The following ARL15 variants were observed in gnomAD, a reference collection of about 807,000 sequenced individuals.
ARL15 encodes the protein ARF like GTPase 15.
In ARL15, 19 loss-of-function variants were observed where a neutral mutation model predicts 25.2. The ratio of observed to expected loss-of-function variants is 0.75; its 90% CI spans 0.53 to 1.10. ARL15 has a LOEUF of 1.10. ARL15 is among the 50% of genes least tolerant of loss of function. The pLI, the probability that ARL15 is intolerant of heterozygous loss-of-function variation, is 0.00. For synonymous variants in ARL15, 94 were observed against 86.8 expected (o/e 1.08, Z -0.46); for missense variants, 220 against 246.0 (o/e 0.89, Z 0.71).
intron 1 of ARL15, among the ~76,000 whole-genome samples, chr5:54,257,601 T>A (rs577886824): frequency 4.0e-4 from 61 of 152,366 alleles, no homozygotes; most frequent in Admixed American, 1.0e-3. Context: ...AATTTCAACA[T>A]AAATAAGCAG....
intron 4 of ARL15, among the ~76,000 whole-genome samples, chr5:53,902,200 G>A (rs1434713966): frequency 6.6e-6 from 1 of 152,022 alleles, no homozygotes; most frequent in African/African-American, 2.4e-5. Context: ...TCTGTTATAC[G>A]AGGCTGTGTG....
chr5:54,009,317 C>T (rs1374233503), intron 4 of ARL15, among the ~76,000 whole-genome samples: 1 of 152,178 alleles, frequency 6.6e-6, no homozygotes, highest in African/African-American at 2.4e-5. Flanking sequence ...TTTTCCTCCA[C>T]CCAACAACCT....
chr5:54,197,745 G>GA (rs1276522469), intron 1 of ARL15, among the ~76,000 whole-genome samples: 1 of 152,058 alleles, frequency 6.6e-6, no homozygotes, highest in Non-Finnish European at 1.5e-5. Flanking sequence ...CATTCCTTCT[G>GA]AAACTATTCC....
rs566836942 is a variant in ARL15, at chr5:53,987,973, T to G, written c.463-101260A>C. On this transcript the variant is annotated intron_variant, in intron 4 of 4. Transcript: ENST00000504924. Reference sequence around the variant, plus strand: ...AAAACATTAGCCGGGCATGGTGGCGTGCGCCTGTAGTCCCAGCTAATCCCG... The same window carrying G: ...AAAACATTAGCCGGGCATGGTGGCGGGCGCCTGTAGTCCCAGCTAATCCCG... Among the ~76,000 whole-genome samples, 6 of 152,024 alleles carry G rather than the reference T, an allele frequency of 3.9e-5. No individual in the cohort carries two copies. The East Asian group carries it at 9.7e-4, about 25-fold the overall frequency.
At chr5:54,306,534 G>A (rs1385488175) in intron 1 of ARL15, among the ~76,000 whole-genome samples, 1 of 151,948 alleles carries the variant, frequency 6.6e-6, no homozygotes, top group Non-Finnish European at 1.5e-5. Flanking sequence ...GAGATTACAG[G>A]CATGCGCCAC....
At chr5:54,297,101 C>T (rs1195447892) in intron 1 of ARL15, among the ~76,000 whole-genome samples, 2 of 152,224 alleles carry the variant, frequency 1.3e-5, no homozygotes, top group African/African-American at 4.8e-5. Flanking sequence ...ATTCAGATTA[C>T]TAAACTCACA....
At chr5:54,167,368 T>A (rs1754604190) in intron 2 of ARL15, among the ~76,000 whole-genome samples, 2 of 152,168 alleles carry the variant, frequency 1.3e-5, no homozygotes, top group Admixed American at 1.3e-4. Flanking sequence ...TTCACTGAGC[T>A]CCACCTCAGC....
intron 1 of ARL15, among the ~76,000 whole-genome samples, chr5:54,271,290 C>T (rs1010211363): frequency 6.6e-6 from 1 of 152,134 alleles, no homozygotes; most frequent in East Asian, 1.9e-4. Context: ...ACAGTTGTCC[C>T]TCAGTATCCA....
chr5:54,183,094 A>C lies in ARL15; in HGVS notation c.49-11166T>G, dbSNP rs1274646626. ...TAGATAAACAATCCTGTCGTCTGCA[A>C]ACAGGGACAATTTGACTTCCTCTTT... On this transcript the variant is annotated intron_variant, in intron 1 of 4. Coordinates refer to ENST00000504924, the MANE Select transcript of ARL15 (RefSeq NM_019087.3). Among the ~76,000 whole-genome samples the C allele has an allele frequency of 5.9e-4, 76 of 129,816 alleles. 5 individuals carry two copies. The South Asian group carries it at 0.018, about 31-fold the overall frequency. 85.2% of individuals were successfully genotyped at this position (129,816 alleles called of 152,430 possible). A position where few individuals can be genotyped will look rare whatever the true frequency, so the allele number is the denominator to read the frequency against.
intron 1 of ARL15, among the ~76,000 whole-genome samples, chr5:54,251,172 A>G (rs905490967): frequency 1.3e-5 from 2 of 152,226 alleles, no homozygotes; most frequent in Admixed American, 6.5e-5. Flanking sequence ...GAAGATAAGT[A>G]AACAATGATG....
At chr5:54,096,706 G>A (rs897270802) in intron 4 of ARL15, among the ~76,000 whole-genome samples, 6 of 152,100 alleles carry the variant, frequency 3.9e-5, no homozygotes, top group Admixed American at 6.5e-5. Context: ...CACCGTGCCC[G>A]GCCTAATAAT....
intron 3 of ARL15, among the ~76,000 whole-genome samples, chr5:54,126,279 G>A (rs1753249421): frequency 6.6e-6 from 1 of 152,060 alleles, no homozygotes; most frequent in African/African-American, 2.4e-5. Flanking sequence ...TCTATCATAT[G>A]TTCCCTTCTA....
At chr5:54,064,483 T>TA (rs199931983) in intron 4 of ARL15, among the ~76,000 whole-genome samples, 1,976 of 152,242 alleles carry the variant, frequency 0.013, 22 homozygotes, top group Admixed American at 0.019. Context: ...ATGGAACAAG[T>TA]AAAAGTAATT....
intron 4 of ARL15, among the ~76,000 whole-genome samples, chr5:53,987,319 G>C (rs1580144369): frequency 6.6e-6 from 1 of 152,024 alleles, no homozygotes; most frequent in East Asian, 1.9e-4. Flanking sequence ...ATCTGGCCGG[G>C]GGTGGGGTGG....
intron 2 of ARL15, among the ~76,000 whole-genome samples, chr5:54,169,440 T>C (rs1367362462): frequency 6.6e-6 from 1 of 152,222 alleles, no homozygotes; most frequent in East Asian, 1.9e-4. Context: ...CTTGAACACC[T>C]GAACTGGCAT....
rs1390707815 is a variant in ARL15 at position 53,886,525 on chromosome 5, C to T, written c.*36G>A. On this transcript the variant is annotated 3_prime_UTR_variant, in exon 5 of 5. Coordinates refer to ENST00000504924, the MANE Select transcript of ARL15 (RefSeq NM_019087.3). Reference sequence around the variant, plus strand: ...AAATGAGAAACTAACATGATAGGTTCAAGGCCTTTTGGGAGCCTGTTTTCT... The same window carrying T: ...AAATGAGAAACTAACATGATAGGTTTAAGGCCTTTTGGGAGCCTGTTTTCT... 1.3e-6 allele frequency: 2 copies of T among 1,544,408 alleles called. No individual in the cohort carries two copies. Among genetic ancestry groups the T allele is most frequent in the Non-Finnish European group, 1.7e-6 (2 of 1,145,298 alleles).
intron 4 of ARL15, among the ~76,000 whole-genome samples, chr5:53,997,591 T>C (rs1748722723): frequency 6.6e-6 from 1 of 152,140 alleles, no homozygotes; most frequent in Non-Finnish European, 1.5e-5. Flanking sequence ...TGGAGGTCAT[T>C]TGATTAACTG....
intron 4 of ARL15, among the ~76,000 whole-genome samples, chr5:54,101,289 T>A (rs887891264): frequency 3.3e-5 from 5 of 152,062 alleles, no homozygotes; most frequent in Non-Finnish European, 5.9e-5. Context: ...AAGAAACATA[T>A]GACAAAATTT....
At chr5:54,134,318 G>C (rs1278190775) in intron 3 of ARL15, among the ~76,000 whole-genome samples, 1 of 152,118 alleles carries the variant, frequency 6.6e-6, no homozygotes, top group Non-Finnish European at 1.5e-5. Flanking sequence ...CAGTATCCTT[G>C]GGAAAGAAAG....
Sources: allele counts gnomAD v4.1 joint callset (sites outside exome capture counted in the v4.1 genomes callset), GRCh38; gene constraint gnomAD v4.1.1; transcripts MANE v1.5; gene names NCBI Gene and HGNC (gene_info 2026-07-23, HGNC 2026-07-21).